Variants in VPS13A observed in about 807,000 individuals in gnomAD.
VPS13A encodes vacuolar protein sorting 13 homolog A.
In VPS13A, 264 loss-of-function variants were observed where a neutral mutation model predicts 390.9. That is an observed-to-expected ratio of 0.68 (90% CI 0.61 to 0.75). VPS13A has a LOEUF of 0.75. Among genes scored for constraint, VPS13A ranks in the 30% least tolerant of loss-of-function variants. VPS13A has a pLI of 0.00. For missense variants in VPS13A, 3,409 were observed against 3,733.9 expected, an observed-to-expected ratio of 0.91 and a Z score of 2.27; for synonymous variants, 1,231 against 1,227.1, an observed-to-expected ratio of 1.00 and a Z score of -0.07.
At chr9:77,209,230 A>G (rs921556562) in intron 5 of VPS13A, among the ~76,000 whole-genome samples, 193 bp from the exon 6 acceptor site, 53 of 152,322 alleles carry the variant, frequency 3.5e-4, no homozygotes, top group South Asian at 6.2e-4. Context: ...CTTTAGTCTC[A>G]TGGCACAATA....
At chr9:77,221,127 C>G in intron 12 of VPS13A, 58 bp from the exon 13 acceptor site, 1 of 1,503,238 alleles carries the variant, frequency 6.7e-7, no homozygotes, top group Non-Finnish European at 9.2e-7. Context: ...GAAGCAATGT[C>G]AGTAATGTTT....
At position 77,358,417 on chromosome 9, in the gene VPS13A, A is replaced by G. The variant is rs545297719; in HGVS notation, c.8014A>G (p.Lys2672Glu). The G allele has an allele frequency of 6.2e-7, 1 of 1,613,560 alleles. No individual in the cohort carries two copies. The highest frequency in any genetic ancestry group is 1.1e-5 in the South Asian group (1 of 91,064). The change falls in exon 57 of 72, where the codon AAG (lysine) becomes GAG (glutamate). Residue 2672 changes from lysine to glutamate, a missense_variant. Transcript: ENST00000360280. Reference sequence around the variant, plus strand: ...TGTGTTTTATCCTGTTAAACCTCCAAAGTCGGTCACCATGGATTCAGGTTT... The same window carrying G: ...TGTGTTTTATCCTGTTAAACCTCCAGAGTCGGTCACCATGGATTCAGGTTT... Reference protein sequence around the residue: ...PFVFYPVKPPKSVTMDSAPKP... With the variant: ...PFVFYPVKPPESVTMDSAPKP...
chr9:77,342,391 TTAAC>T (rs1464882051), intron 50 of VPS13A, among the ~76,000 whole-genome samples: 3 of 135,024 alleles, frequency 2.2e-5, no homozygotes, highest in Admixed American at 8.4e-5. Flanking sequence ...TTTCACTTTC[TTAAC>T]TGTCATTTTT....
intron 34 of VPS13A, among the ~76,000 whole-genome samples, chr9:77,306,934 A>G (rs1828787159): frequency 6.9e-6 from 1 of 144,668 alleles, no homozygotes; most frequent in African/African-American, 2.6e-5. Flanking sequence ...TTTTTGAGAC[A>G]GAGTCTCTGT....
At position 77,177,598 on chromosome 9, in the gene VPS13A, G is replaced by A; in HGVS notation, c.-107G>A. On this transcript the variant is annotated 5_prime_UTR_variant, in exon 1 of 72. Coordinates refer to ENST00000360280, the MANE Select transcript of VPS13A (RefSeq NM_033305.3). ...GGCCAGCGGGGGCGCCGCAGCTGAA[G>A]CCGCCCCGGAGCCGGTGAACCGAAT... 2.8e-6 allele frequency: 3 copies of A among 1,063,236 alleles called. No individual in the cohort carries two copies. The East Asian group carries it at 7.8e-5, about 28-fold the overall frequency. The allele number at this position is 1,063,236 out of a possible 1,614,324, so 65.9% of individuals were successfully genotyped here.
chr9:77,203,079 C>G (rs1211500858), intron 3 of VPS13A, among the ~76,000 whole-genome samples: 1 of 152,012 alleles, frequency 6.6e-6, no homozygotes, highest in Non-Finnish European at 1.5e-5. Context: ...ATGTATGTCC[C>G]CTTGCTATTA....
chr9:77,295,907 T>A, intron 33 of VPS13A, 61 bp downstream of exon 33: 1 of 1,524,594 alleles, frequency 6.6e-7, no homozygotes, highest in Non-Finnish European at 9.0e-7. Flanking sequence ...TTTAAAGACT[T>A]TGATGTCTTG....
At chr9:77,390,687 G>A (rs12343193) in intron 68 of VPS13A, among the ~76,000 whole-genome samples, 42,374 of 129,846 alleles carry the variant, frequency 0.33, 6,703 homozygotes, top group Middle Eastern at 0.48. Flanking sequence ...TGTTGTTGTT[G>A]TTTGTTGTTG....
chr9:77,177,538 C>G lies in VPS13A; in HGVS notation c.-167C>G, dbSNP rs376970525. On this transcript the variant is annotated 5_prime_UTR_variant, in exon 1 of 72. Coordinates refer to ENST00000360280, the MANE Select transcript of VPS13A (RefSeq NM_033305.3). ...GCACGCGTCGTGAGAGCGACCGCCT[C>G]CGTCTCTCGCTGGGCTCGCTAGGGC... 1.5e-4 allele frequency: 97 copies of G among 646,814 alleles called. 3 individuals carry two copies. The South Asian group carries it at 1.6e-3, about 11-fold the overall frequency. 40.1% of individuals were successfully genotyped at this position (646,814 alleles called of 1,614,324 possible). A position where few individuals can be genotyped will look rare whatever the true frequency, so the allele number is the denominator to read the frequency against.
intron 33 of VPS13A, among the ~76,000 whole-genome samples, chr9:77,301,531 C>G (rs144562024): frequency 1.3e-5 from 2 of 152,282 alleles, no homozygotes; most frequent in Admixed American, 6.5e-5. Context: ...TCATATTTCT[C>G]TCCTATTGAT....
At chr9:77,228,310 C>T in intron 17 of VPS13A, 46 bp downstream of exon 17, 2 of 1,513,244 alleles carry the variant, frequency 1.3e-6, no homozygotes, top group Non-Finnish European at 1.8e-6. Context: ...AAAAACTTCA[C>T]TGTGTTCTTA....
chr9:77,301,144 A>AT (rs1189149880), intron 33 of VPS13A, among the ~76,000 whole-genome samples: 1 of 152,236 alleles, frequency 6.6e-6, no homozygotes, highest in Non-Finnish European at 1.5e-5. Context: ...TTTCTTTCTC[A>AT]TAGTTTGTCC....
At chr9:77,281,098 G>C (rs1338395580) in intron 27 of VPS13A, among the ~76,000 whole-genome samples, 3 of 151,554 alleles carry the variant, frequency 2.0e-5, no homozygotes, top group African/African-American at 7.3e-5. Context: ...TATAGAAGTA[G>C]AGAGCACAGT....
At position 77,205,301 on chromosome 9, in the gene VPS13A, A is replaced by G; in HGVS notation, c.188-12A>G. On this transcript the variant is annotated splice_polypyrimidine_tract_variant and intron_variant, in intron 3 of 71. Transcript: ENST00000360280. ...ATTTTTTGTCCTTTTTTTTTTTCCC[A>G]AAAAAATGTAGGTAATCTTAAACTT... The G allele has an allele frequency of 7.0e-7, 1 of 1,421,666 alleles. No homozygotes were observed. The highest frequency in any genetic ancestry group is 9.6e-7 in the Non-Finnish European group (1 of 1,045,230). 88.1% of individuals were successfully genotyped at this position (1,421,666 alleles called of 1,614,324 possible).
intron 71 of VPS13A, among the ~76,000 whole-genome samples, chr9:77,411,768 A>T (rs1205012931): frequency 1.3e-5 from 2 of 151,906 alleles, no homozygotes; most frequent in African/African-American, 4.8e-5. Context: ...ACTGAAGGAA[A>T]TAGACACAAA....
chr9:77,303,532 AC>A (rs1564710325), intron 34 of VPS13A, among the ~76,000 whole-genome samples: 2 of 152,190 alleles, frequency 1.3e-5, no homozygotes, highest in East Asian at 3.9e-4. Flanking sequence ...ACAACAGTGG[AC>A]CCAGGGGACC....
At chr9:77,376,878 C>T (rs1374945248) in intron 67 of VPS13A, among the ~76,000 whole-genome samples, 2 of 151,992 alleles carry the variant, frequency 1.3e-5, no homozygotes, top group African/African-American at 4.8e-5. Flanking sequence ...TCAGGCACAC[C>T]AACTCTTAGA....
chr9:77,327,159 A>G (rs1001202396), intron 45 of VPS13A, among the ~76,000 whole-genome samples: 3 of 152,058 alleles, frequency 2.0e-5, no homozygotes, highest in Non-Finnish European at 4.4e-5. Flanking sequence ...CTTGCCCCGT[A>G]TCGGAAACTG....
At chr9:77,343,516 T>G (rs1361479952) in intron 50 of VPS13A, among the ~76,000 whole-genome samples, 1 of 152,170 alleles carries the variant, frequency 6.6e-6, no homozygotes, top group Non-Finnish European at 1.5e-5. Context: ...GGTTCTTCAT[T>G]CTTTTTCTTT....
Sources: gnomAD v4.1 joint callset for allele counts (sites outside exome capture counted in the v4.1 genomes callset) on GRCh38, gnomAD v4.1.1 for gene constraint, MANE v1.5 for transcripts, NCBI Gene and HGNC (gene_info 2026-07-23, HGNC 2026-07-21) for gene names.